Variants in JAK1 observed in about 807,000 individuals in gnomAD.
JAK1 encodes tyrosine-protein kinase JAK1.
JAK1 carries 16 observed loss-of-function variants against 136.6 expected under a neutral mutation model. The observed-to-expected ratio is 0.12, with a 90% CI of 0.08 to 0.18. The LOEUF (loss-of-function observed/expected upper bound fraction) is 0.18, where lower values mean the gene tolerates loss of function less well. Among genes scored for constraint, JAK1 ranks in the 10% least tolerant of loss-of-function variants. The pLI is 1.00. For synonymous variants in JAK1, 492 were observed against 519.5 expected (o/e 0.95, Z 0.72); for missense variants, 859 against 1,450.1 (o/e 0.59, Z 6.62).
At chr1:65,066,873 TGGACGC>T (rs904756463) in intron 1 of JAK1, 2 of 152,520 alleles carry the variant, frequency 1.3e-5, no homozygotes, top group Admixed American at 6.5e-5. Context: ...GCCAGCACCC[TGGACGC>T]GGGCGGGGGC....
intron 10 of JAK1, among the ~76,000 whole-genome samples, chr1:64,856,433 A>C (rs749387810): frequency 6.6e-6 from 1 of 152,198 alleles, no homozygotes; most frequent in Non-Finnish European, 1.5e-5. Flanking sequence ...TTAAAAAAGC[A>C]CAAGTAGGTA....
intron 1 of JAK1, chr1:65,067,575 C>G (rs982827046): frequency 6.8e-5 from 10 of 146,216 alleles, no homozygotes; most frequent in Non-Finnish European, 1.2e-4. Flanking sequence ...CCCGCCGCCC[C>G]CGCGCCCGGC....
intron 19 of JAK1, 152 bp downstream of exon 19, chr1:64,841,093 T>A: frequency 3.2e-6 from 2 of 628,954 alleles, no homozygotes; most frequent in African/African-American, 1.8e-5. Flanking sequence ...TCCCTTGTGA[T>A]GAAAGTGGCC....
chr1:64,857,083 C>T (rs1429038123), intron 10 of JAK1, among the ~76,000 whole-genome samples: 2 of 152,192 alleles, frequency 1.3e-5, no homozygotes, highest in Admixed American at 6.5e-5. Flanking sequence ...TATCTTAGCC[C>T]TCAGAATGTA....
chr1:64,967,626 T>G (rs1447699382), upstream of JAK1, among the ~76,000 whole-genome samples: 1 of 152,198 alleles, frequency 6.6e-6, no homozygotes, highest in African/African-American at 2.4e-5. Flanking sequence ...CTTGAGTTAC[T>G]GCAACTGAAA....
chr1:65,016,260 A>G (rs1031760544), intron 2 of JAK1, among the ~76,000 whole-genome samples: 2 of 152,198 alleles, frequency 1.3e-5, no homozygotes, highest in Non-Finnish European at 2.9e-5. Context: ...AAGTTTTCGA[A>G]GTAGATAGCG....
intron 2 of JAK1, among the ~76,000 whole-genome samples, chr1:65,025,040 G>C (rs1057177613): frequency 2.6e-5 from 4 of 152,076 alleles, no homozygotes; most frequent in African/African-American, 9.7e-5. Flanking sequence ...TGTTTTCACT[G>C]TCTGAGCCCC....
chr1:65,035,057 A>AAAATAAAT (rs35499348), intron 2 of JAK1, among the ~76,000 whole-genome samples: 4,937 of 149,558 alleles, frequency 0.033, 234 homozygotes, highest in African/African-American at 0.1. Context: ...ACTCCATCTC[A>AAAATAAAT]AAATAAATAA....
At chr1:64,901,410 T>G (rs940027126) in intron 1 of JAK1, among the ~76,000 whole-genome samples, 1 of 152,228 alleles carries the variant, frequency 6.6e-6, no homozygotes, top group Non-Finnish European at 1.5e-5. Flanking sequence ...GAAGCCCACA[T>G]GCTTACTCTT....
chr1:64,917,395 C>T (rs1645417166), intron 1 of JAK1, among the ~76,000 whole-genome samples: 1 of 152,120 alleles, frequency 6.6e-6, no homozygotes, highest in South Asian at 2.1e-4. Flanking sequence ...AGGAGACAGG[C>T]TCCAACACAG....
chr1:65,030,482 G>A (rs1254769890), intron 2 of JAK1, among the ~76,000 whole-genome samples: 1 of 152,084 alleles, frequency 6.6e-6, no homozygotes, highest in Non-Finnish European at 1.5e-5. Flanking sequence ...AAACTAGTGG[G>A]TGAGTGTTTG....
chr1:64,885,919 A>C (rs912013837), intron 2 of JAK1, among the ~76,000 whole-genome samples: 1 of 152,230 alleles, frequency 6.6e-6, no homozygotes. Context: ...AAATGAAAAA[A>C]GCATAATATG....
rs527906074 is a variant in JAK1, at chr1:64,855,766, C to T, written c.1459-68G>A. 3.0e-6 allele frequency: 4 copies of T among 1,314,502 alleles called. No homozygotes were observed. The South Asian group carries it at 5.5e-5, about 18-fold the overall frequency. 81.4% of individuals were successfully genotyped at this position (1,314,502 alleles called of 1,614,324 possible). A position where few individuals can be genotyped will look rare whatever the true frequency, so the allele number is the denominator to read the frequency against. Reference sequence around the variant, plus strand: ...CAGGCATGGGTATGTAAGATATTAACATTAGGGGAAGCTGCATGAAGAGTA... The same window carrying T: ...CAGGCATGGGTATGTAAGATATTAATATTAGGGGAAGCTGCATGAAGAGTA... On this transcript the variant is annotated intron_variant, in intron 10 of 24. Coordinates refer to ENST00000342505, the MANE Select transcript of JAK1 (RefSeq NM_002227.4).
rs190413442 is a variant in JAK1, at chr1:65,066,062, G to T, written c.-181+1542C>A. ...GCAATTTTTGGCCAATGCTGGGATT[G>T]CGGAGAGGACTAACTAAGAACCCTG... On this transcript the variant is annotated intron_variant, in intron 1 of 25. Coordinates refer to the JAK1 transcript ENST00000671954. 2.7e-3 allele frequency among the ~76,000 whole-genome samples: 406 copies of T among 152,244 alleles called. 3 individuals are homozygous for T. The highest frequency in any genetic ancestry group is 9.4e-3 in the African/African-American group (389 of 41,524).
At chr1:64,946,377 G>C (rs1645985883) in intron 1 of JAK1, among the ~76,000 whole-genome samples, 1 of 152,168 alleles carries the variant, frequency 6.6e-6, no homozygotes, top group South Asian at 2.1e-4. Context: ...TAAGTAAATG[G>C]TGGCTGGCAA....
In JAK1 at chr1:64,866,885, T is replaced by C; in HGVS notation, c.971A>G (p.Gln324Arg). ...EVMVTGNLGIQWRHKPNVVSV... is the reference protein window; with the variant it reads ...EVMVTGNLGIRWRHKPNVVSV... The stretch of plus-strand genomic sequence containing the variant: ...ACTTACATTTGGTTTATGCCTCCAC[T>C]GGATTCCAAGATTCCCAGTCACCAT... Residue 324 changes from glutamine to arginine, a missense_variant, in exon 7 of 25, where the codon CAG becomes CGG. Around this residue, in one of 4 missense-constraint regions of JAK1, gnomAD observed 353 missense variants for 494.0 expected, o/e 0.71. Transcript: ENST00000342505. 1 of 1,611,990 alleles carries C rather than the reference T, an allele frequency of 6.2e-7. No individual in the cohort carries two copies.
At chr1:65,018,458 CAT>C (rs1646907960) in intron 2 of JAK1, among the ~76,000 whole-genome samples, 1 of 149,538 alleles carries the variant, frequency 6.7e-6, no homozygotes, top group Admixed American at 6.7e-5. Context: ...GACACACATA[CAT>C]ACAGAGAGAG....
chr1:65,010,213 A>G (rs924769595), intron 2 of JAK1, among the ~76,000 whole-genome samples: 5 of 152,198 alleles, frequency 3.3e-5, no homozygotes, highest in Non-Finnish European at 7.3e-5. Context: ...GATAGAATAA[A>G]GCAAAAGTGA....
At chr1:65,030,928 T>G (rs887977351) in intron 2 of JAK1, among the ~76,000 whole-genome samples, 1 of 151,612 alleles carries the variant, frequency 6.6e-6, no homozygotes, top group African/African-American at 2.4e-5. Flanking sequence ...CAGAGGTGGG[T>G]GGAATGCTTA....
Sources: allele counts gnomAD v4.1 joint callset (sites outside exome capture counted in the v4.1 genomes callset), GRCh38; gene constraint gnomAD v4.1.1; regional missense constraint gnomAD v4.1.1; transcripts MANE v1.5; gene names NCBI Gene and HGNC (gene_info 2026-07-23, HGNC 2026-07-21).